Variants in CSMD3 observed in about 807,000 individuals in gnomAD.
CSMD3 encodes the protein CUB and Sushi multiple domains 3, also known as CUB and sushi domain-containing protein 3.
CSMD3 carries 177 observed loss-of-function variants against 435.2 expected under a neutral mutation model. That is an observed-to-expected ratio of 0.41 (90% confidence interval 0.36 to 0.46). CSMD3 has a LOEUF of 0.46. Among genes scored for constraint, CSMD3 ranks in the 20% least tolerant of loss-of-function variants. The probability of loss-of-function intolerance (pLI) is 0.34; values close to 1 mark genes in which losing one functional copy is unlikely to be tolerated. For missense variants in CSMD3, 4,265 were observed against 4,504.6 expected (o/e 0.95, Z 1.52); for synonymous variants, 1,656 against 1,520.5 (o/e 1.09, Z -2.07).
chr8:112,264,320 C>A (rs1816731055), intron 60 of CSMD3, among the ~76,000 whole-genome samples: 3 of 151,878 alleles, frequency 2.0e-5, no homozygotes, highest in South Asian at 4.1e-4. Flanking sequence ...ATATGTTAAA[C>A]CTTATTATTA....
At chr8:112,289,969 C>A (rs1203111151) in intron 56 of CSMD3, among the ~76,000 whole-genome samples, 1 of 151,888 alleles carries the variant, frequency 6.6e-6, no homozygotes, top group Non-Finnish European at 1.5e-5. Context: ...TAAAGTGAAG[C>A]AATACAGAAA....
intron 1 of CSMD3, among the ~76,000 whole-genome samples, chr8:113,382,609 G>A (rs1006173673): frequency 6.6e-6 from 1 of 152,166 alleles, no homozygotes; most frequent in Non-Finnish European, 1.5e-5. Flanking sequence ...AGGAAATCCT[G>A]TGAGTCTATA....
At chr8:113,212,907 T>TAA (rs56751881) in intron 3 of CSMD3, among the ~76,000 whole-genome samples, 1 of 140,114 alleles carries the variant, frequency 7.1e-6, no homozygotes, top group East Asian at 2.1e-4. Context: ...ATATATATAT[T>TAA]AAAAAAAAAA....
chr8:112,888,709 C>T (rs1389225057), intron 10 of CSMD3, among the ~76,000 whole-genome samples: 1 of 151,636 alleles, frequency 6.6e-6, no homozygotes, highest in Non-Finnish European at 1.5e-5. Context: ...AGAATTGACT[C>T]ATAAAATATG....
At chr8:112,876,989 A>T in intron 10 of CSMD3, among the ~76,000 whole-genome samples, 1 of 152,124 alleles carries the variant, frequency 6.6e-6, no homozygotes, top group East Asian at 1.9e-4. Flanking sequence ...GCCAAATCAT[A>T]AGTGAACTCC....
chr8:112,337,992 TTA>T (rs1277849789), intron 42 of CSMD3, among the ~76,000 whole-genome samples: 3 of 152,174 alleles, frequency 2.0e-5, no homozygotes, highest in Non-Finnish European at 4.4e-5. Context: ...CCCAACTAAA[TTA>T]TGTTTTAATG....
intron 16 of CSMD3, among the ~76,000 whole-genome samples, chr8:112,680,725 T>C (rs2075870339): frequency 2.6e-5 from 4 of 152,128 alleles, no homozygotes; most frequent in Admixed American, 2.0e-4. Flanking sequence ...AAGGGGCCAC[T>C]AGGAAAACAT....
chr8:112,329,157 C>T (rs1823793721), intron 45 of CSMD3, among the ~76,000 whole-genome samples: 1 of 152,068 alleles, frequency 6.6e-6, no homozygotes, highest in Non-Finnish European at 1.5e-5. Flanking sequence ...AAATAATGTG[C>T]CAAAGACCTC....
In CSMD3 at chr8:112,292,659, T is replaced by C. The variant is rs746793615; in HGVS notation, c.8666A>G (p.Asn2889Ser). Residue 2889 changes from asparagine (N) to serine (S), a missense_variant, in exon 55 of 71, where the codon AAT becomes AGT. Physicochemically the swap from Asn to Ser is conservative, Grantham distance 46. This residue lies in a region of CSMD3 where 3,255 missense variants were observed against 3,380.2 expected (regional missense o/e 0.96). Coordinates refer to ENST00000297405, the MANE Select transcript of CSMD3 (RefSeq NM_198123.2). Reference sequence around the variant, plus strand: ...TACCACATCATTAAAGTTGAACCCATTTCCACTTGTTCTTCCATAAATTGG... The same window carrying C: ...TACCACATCATTAAAGTTGAACCCACTTCCACTTGTTCTTCCATAAATTGG... ...GSPIYGRTSGNGFNFNDVVTF... is the reference protein window; with the variant it reads ...GSPIYGRTSGSGFNFNDVVTF... The C allele has an allele frequency of 4.7e-5, 76 of 1,613,658 alleles. No individual in the cohort carries two copies. The highest frequency in any genetic ancestry group is 8.5e-6 in the Non-Finnish European group (10 of 1,179,752).
At chr8:112,307,693 A>C (rs1262543019) in intron 50 of CSMD3, among the ~76,000 whole-genome samples, 1 of 152,314 alleles carries the variant, frequency 6.6e-6, no homozygotes, top group South Asian at 2.1e-4. Flanking sequence ...GGAGTTATGT[A>C]ATAACTGATA....
chr8:112,772,767 G>A (rs1587246812), intron 13 of CSMD3, among the ~76,000 whole-genome samples: 1 of 152,212 alleles, frequency 6.6e-6, no homozygotes, highest in African/African-American at 2.4e-5. Context: ...AGGGCTGGAG[G>A]TGGGACATGC....
intron 13 of CSMD3, among the ~76,000 whole-genome samples, chr8:112,735,107 G>C (rs2077158465): frequency 6.6e-6 from 1 of 151,990 alleles, no homozygotes; most frequent in Non-Finnish European, 1.5e-5. Flanking sequence ...TGGGACAAAA[G>C]TGTCCAACTC....
At chr8:112,761,462 T>C (rs2077835182) in intron 13 of CSMD3, among the ~76,000 whole-genome samples, 1 of 152,156 alleles carries the variant, frequency 6.6e-6, no homozygotes, top group Admixed American at 6.6e-5. Context: ...AGGATCTATC[T>C]ATACCAGAGA....
intron 11 of CSMD3, among the ~76,000 whole-genome samples, chr8:112,844,589 G>A (rs1219014950): frequency 6.6e-6 from 1 of 151,912 alleles, no homozygotes; most frequent in Non-Finnish European, 1.5e-5. Context: ...TTCCTAGAAG[G>A]GTTAGACACC....
At chr8:113,316,770 G>C (rs1049751636) in intron 1 of CSMD3, among the ~76,000 whole-genome samples, 5 of 150,156 alleles carry the variant, frequency 3.3e-5, no homozygotes, top group Admixed American at 6.7e-5. Context: ...GGCTGATTTC[G>C]AACTACTGAC....
intron 32 of CSMD3, among the ~76,000 whole-genome samples, chr8:112,471,484 A>G (rs936094069): frequency 6.6e-6 from 1 of 152,228 alleles, no homozygotes; most frequent in African/African-American, 2.4e-5. Context: ...TGTAGAGTAC[A>G]AAAACAGACA....
At position 112,287,152 on chromosome 8, in the gene CSMD3, A is replaced by G. The variant is rs1302999489; in HGVS notation, c.9243T>C (p.Ala3081=). 1.2e-6 allele frequency: 2 copies of G among 1,613,652 alleles called. No homozygotes were observed. The highest frequency in any genetic ancestry group is 2.7e-5 in the African/African-American group (2 of 74,892). The change falls in exon 58 of 71, where the codon GCT becomes GCC. Residue 3081 remains alanine, a synonymous_variant. Coordinates refer to ENST00000297405, the MANE Select transcript of CSMD3 (RefSeq NM_198123.2). The stretch of plus-strand genomic sequence containing the variant: ...CATGAAGGATGTAACCAGTATCACA[A>G]GCATAACGTACAGTACTTTTAGTTC... ...NFRTKSTVRY[A]CDTGYILHGS...
In CSMD3 at chr8:112,946,769, G is replaced by A. The variant is rs150747407; in HGVS notation, c.1508+1021C>T. ...AATATTATTATCTGTATTAAGTTTC[G>A]AGCGTGGTTAAAGTTATGTAAACAT... On this transcript the variant is annotated intron_variant, in intron 9 of 70. Coordinates refer to ENST00000297405, the MANE Select transcript of CSMD3 (RefSeq NM_198123.2). 6.7e-3 allele frequency among the ~76,000 whole-genome samples: 1,010 copies of A among 151,524 alleles called. 9 individuals are homozygous for A. Among genetic ancestry groups the A allele is most frequent in the African/African-American group, 0.022 (913 of 41,430 alleles).
At chr8:113,312,332 G>C (rs1331815173) in intron 2 of CSMD3, 5 of 152,052 alleles carry the variant, frequency 3.3e-5, no homozygotes, top group African/African-American at 1.2e-4. Context: ...AAAATACATA[G>C]CACAGTGACA....
Sources: allele counts gnomAD v4.1 joint callset (sites outside exome capture counted in the v4.1 genomes callset), GRCh38; gene constraint gnomAD v4.1.1; regional missense constraint gnomAD v4.1.1; transcripts MANE v1.5; gene names NCBI Gene and HGNC (gene_info 2026-07-23, HGNC 2026-07-21).